Variants in LIPC observed in about 807,000 individuals in gnomAD.
The protein encoded by LIPC is lipase C, hepatic type, also known as hepatic triacylglycerol lipase.
LIPC carries 44 observed loss-of-function variants against 50.7 expected under a neutral mutation model. That is an observed-to-expected ratio of 0.87 (90% CI 0.68 to 1.11). The LOEUF is 1.11. LIPC is among the 50% of genes most tolerant of loss of function. The pLI is 0.00. For synonymous variants in LIPC, 271 were observed against 256.4 expected (o/e 1.06, Z -0.54); for missense variants, 697 against 648.2 (o/e 1.08, Z -0.82).
chr15:58,523,380 A>AG (rs56714619), intron 1 of LIPC: 97,454 of 151,528 alleles, frequency 0.64, 32,609 homozygotes, highest in South Asian at 0.78. Flanking sequence ...AAGGGCCACT[A>AG]GGACCCAAGT....
rs1893139003 is a variant in LIPC at position 58,432,017 on chromosome 15, C to CG, written c.-13dup. 1 of 1,597,898 alleles carries CG rather than the reference C, an allele frequency of 6.3e-7. No individual in the cohort carries two copies. Among genetic ancestry groups the CG allele is most frequent in the African/African-American group, 1.3e-5 (1 of 74,656 alleles). On this transcript the variant is annotated 5_prime_UTR_variant, in exon 1 of 9. Transcript: ENST00000299022. Reference sequence around the variant, plus strand: ...GAAATTACCAAGAAAGCCTGGACCCCGGGTGAAACGGAGAAATGGACACAA... The same window carrying CG: ...GAAATTACCAAGAAAGCCTGGACCCCGGGGTGAAACGGAGAAATGGACACAA...
chr15:58,444,394 C>A (rs1272569111), intron 1 of LIPC, among the ~76,000 whole-genome samples: 1 of 152,174 alleles, frequency 6.6e-6, no homozygotes, highest in Non-Finnish European at 1.5e-5. Context: ...CTGTGCCAGG[C>A]CTTGTGCTAG....
At chr15:58,505,921 C>T (rs1189069216) in intron 1 of LIPC, among the ~76,000 whole-genome samples, 4 of 151,884 alleles carry the variant, frequency 2.6e-5, no homozygotes, top group African/African-American at 7.2e-5. Context: ...CCAGTACCCG[C>T]GAGCTCCCTC....
chr15:58,563,630 C>T lies in LIPC; in HGVS notation c.1295C>T (p.Thr432Met), dbSNP rs754306623. The change falls in exon 8 of 9, where the codon ACG becomes ATG. Residue 432 changes from threonine (T) to methionine (M), a missense_variant. Transcript: ENST00000299022. ...NSAVWANVWD[T>M]VQTIIPWSTG... Reference sequence around the variant, plus strand: ...GCAGTGTGGGCCAATGTCTGGGACACGGTCCAGACCATCATCCCATGGAGC... The same window carrying T: ...GCAGTGTGGGCCAATGTCTGGGACATGGTCCAGACCATCATCCCATGGAGC... 7.4e-6 allele frequency: 12 copies of T among 1,613,950 alleles called. No homozygotes were observed. Among genetic ancestry groups the T allele is most frequent in the African/African-American group, 5.3e-5 (4 of 74,924 alleles).
intron 1 of LIPC, among the ~76,000 whole-genome samples, chr15:58,496,845 C>T (rs1055464626): frequency 5.9e-5 from 9 of 151,698 alleles, no homozygotes; most frequent in Admixed American, 2.6e-4. Context: ...CCACTGCACC[C>T]GGCTCATTTT....
chr15:58,526,148 C>G (rs1351684660), intron 1 of LIPC, among the ~76,000 whole-genome samples: 3 of 152,202 alleles, frequency 2.0e-5, no homozygotes, highest in African/African-American at 4.8e-5. Flanking sequence ...GCCTCCCAGA[C>G]CTACTGAATC....
intron 1 of LIPC, among the ~76,000 whole-genome samples, chr15:58,485,414 G>A (rs930423808): frequency 2.6e-5 from 4 of 152,186 alleles, no homozygotes; most frequent in Non-Finnish European, 4.4e-5. Context: ...TCACAGGTTT[G>A]TTGGGTGCCG....
intron 1 of LIPC, among the ~76,000 whole-genome samples, chr15:58,515,764 G>C (rs1483384145): frequency 4.6e-5 from 7 of 152,076 alleles, no homozygotes; most frequent in African/African-American, 1.7e-4. Context: ...TGAGCTGAAC[G>C]GCAATAGGGT....
chr15:58,490,022 C>T (rs1196780837), intron 1 of LIPC, among the ~76,000 whole-genome samples: 1 of 152,108 alleles, frequency 6.6e-6, no homozygotes, highest in African/African-American at 2.4e-5. Flanking sequence ...AAACAGTACT[C>T]ATTGGGCCTT....
intron 8 of LIPC, chr15:58,566,212 A>G: frequency 1.0e-6 from 1 of 985,436 alleles, no homozygotes; most frequent in South Asian, 4.7e-5. Context: ...CGGGAAGTGT[A>G]AGAAGAAAGT....
intron 1 of LIPC, among the ~76,000 whole-genome samples, chr15:58,455,169 A>G (rs1221506012): frequency 6.6e-6 from 1 of 152,208 alleles, no homozygotes; most frequent in Non-Finnish European, 1.5e-5. Flanking sequence ...TTAGGGTTTG[A>G]TGTATTGTTT....
intron 6 of LIPC, among the ~76,000 whole-genome samples, chr15:58,558,881 A>C (rs1050152773): frequency 2.0e-5 from 3 of 152,264 alleles, no homozygotes; most frequent in African/African-American, 7.2e-5. Context: ...TGTTGTGAAC[A>C]TAAATAAACA....
At chr15:58,471,926 G>A (rs1320435759) in intron 1 of LIPC, among the ~76,000 whole-genome samples, 1 of 152,024 alleles carries the variant, frequency 6.6e-6, no homozygotes, top group African/African-American at 2.4e-5. Context: ...AGCTCTTTGG[G>A]GCCATAAAGG....
intron 6 of LIPC, among the ~76,000 whole-genome samples, chr15:58,557,018 A>G (rs1228905237): frequency 3.3e-5 from 5 of 152,232 alleles, no homozygotes; most frequent in African/African-American, 1.2e-4. Flanking sequence ...TGAATATTTC[A>G]GGTGTTTTCA....
intron 1 of LIPC, among the ~76,000 whole-genome samples, chr15:58,444,362 G>C (rs565150018): frequency 6.6e-6 from 1 of 152,314 alleles, no homozygotes; most frequent in East Asian, 1.9e-4. Flanking sequence ...CTGGATGTCA[G>C]AGATTTCGCC....
At chr15:58,443,580 G>A (rs540473796) in intron 1 of LIPC, among the ~76,000 whole-genome samples, 17 of 152,320 alleles carry the variant, frequency 1.1e-4, no homozygotes, top group African/African-American at 3.4e-4. Context: ...TATCTTCCAG[G>A]TTGTTTTTAT....
chr15:58,530,852 T>C (rs1177027707), intron 1 of LIPC, among the ~76,000 whole-genome samples: 1 of 152,232 alleles, frequency 6.6e-6, no homozygotes, highest in Non-Finnish European at 1.5e-5. Context: ...TGTTCCTTTT[T>C]CCTGCTGAGT....
At chr15:58,510,562 C>T (rs933481859) in intron 1 of LIPC, among the ~76,000 whole-genome samples, 1 of 152,168 alleles carries the variant, frequency 6.6e-6, no homozygotes, top group African/African-American at 2.4e-5. Flanking sequence ...TTTACTGGTG[C>T]ACATGCAAGA....
At position 58,560,955 on chromosome 15, in the gene LIPC, G is replaced by T; in HGVS notation, c.1143G>T (p.Glu381Asp). 1 of 1,549,412 alleles carries T rather than the reference G, an allele frequency of 6.5e-7. No homozygotes were observed. Among genetic ancestry groups the T allele is most frequent in the Non-Finnish European group, 8.9e-7 (1 of 1,120,742 alleles). ...CCATGTCACTACTCGGAACAAAAGAGAAAATGCAGAAAATTCCCATCACTC... is the reference window on the plus strand; with the variant it reads ...CCATGTCACTACTCGGAACAAAAGATAAAATGCAGAAAATTCCCATCACTC... The part of the protein sequence containing the change: ...TFTMSLLGTK[E>D]KMQKIPITLG... Residue 381 changes from glutamate to aspartate, a missense_variant, in exon 7 of 9, where the codon GAG becomes GAT. Physicochemically the swap from Glu to Asp is conservative, Grantham distance 45. Coordinates refer to ENST00000299022, the MANE Select transcript of LIPC (RefSeq NM_000236.3).
Sources: allele counts gnomAD v4.1 joint callset (sites outside exome capture counted in the v4.1 genomes callset), GRCh38; gene constraint gnomAD v4.1.1; transcripts MANE v1.5; gene names NCBI Gene and HGNC (gene_info 2026-07-23, HGNC 2026-07-21).